GOLIM4: variants seen among roughly 807,000 people sequenced by gnomAD.
GOLIM4 encodes golgi integral membrane protein 4.
A neutral mutation model predicts 107.4 loss-of-function variants in GOLIM4; 71 were observed. The ratio of observed to expected loss-of-function variants is 0.66; its 90% confidence interval spans 0.55 to 0.81. The LOEUF (loss-of-function observed/expected upper bound fraction) is 0.81. GOLIM4 is among the 30% of genes least tolerant of loss of function. GOLIM4 has a pLI of 0.00. For synonymous variants in GOLIM4, 327 were observed against 294.8 expected (o/e 1.11, Z -1.12); for missense variants, 830 against 826.1 (o/e 1.00, Z -0.06).
chr3:168,030,088 T>C (rs775040237), intron 9 of GOLIM4, 52 bp from the exon 10 acceptor site: 7 of 1,558,414 alleles, frequency 4.5e-6, no homozygotes, highest in Non-Finnish European at 6.1e-6. Flanking sequence ...TCCTCTGGGT[T>C]TTCTCTTCAT....
chr3:168,046,769 T>G (rs945649180), intron 3 of GOLIM4, among the ~76,000 whole-genome samples, 181 bp downstream of exon 3: 2 of 149,952 alleles, frequency 1.3e-5, no homozygotes, highest in Admixed American at 1.3e-4. Flanking sequence ...TAAGTAAAGG[T>G]AAGTTTAAAG....
At chr3:168,091,157 C>T (rs577271818) in intron 1 of GOLIM4, among the ~76,000 whole-genome samples, 29 of 152,286 alleles carry the variant, frequency 1.9e-4, no homozygotes, top group African/African-American at 6.0e-4. Context: ...CACTTCTACA[C>T]GTCACATTTG....
chr3:168,028,500 T>G (rs1718133755), intron 11 of GOLIM4, among the ~76,000 whole-genome samples: 1 of 152,156 alleles, frequency 6.6e-6, no homozygotes, highest in South Asian at 2.1e-4. Flanking sequence ...GTACTAAGCC[T>G]AGAGAAAATG....
intron 12 of GOLIM4, 95 bp from the exon 13 acceptor site, chr3:168,025,190 T>G: frequency 1.1e-6 from 1 of 939,208 alleles, no homozygotes; most frequent in Non-Finnish European, 1.6e-6. Flanking sequence ...AAAATGAAAT[T>G]GTCCTTCCCT....
chr3:168,078,217 G>T (rs2108285644), intron 1 of GOLIM4, among the ~76,000 whole-genome samples: 1 of 151,948 alleles, frequency 6.6e-6, no homozygotes, highest in African/African-American at 2.4e-5. Flanking sequence ...TTAGAACATT[G>T]TTATTTTAAT....
chr3:168,046,955 CT>C lies in GOLIM4; in HGVS notation c.306del (p.Gly103GlufsTer12). On this transcript the variant is annotated frameshift_variant, in exon 3 of 16. Coordinates refer to ENST00000470487, the MANE Select transcript of GOLIM4 (RefSeq NM_014498.5). LOFTEE classifies it high-confidence loss of function. ...YKLEAQETLN[K>X]GRQDSNSRYS... ...ACAAAAAAAACAAAACTTACCCTTC[CT>C]TTATTTAATGTTTCTTGTGCTTCTA... 7.4e-7 allele frequency: 1 copy of C among 1,348,726 alleles called. No individual in the cohort carries two copies. The highest frequency in any genetic ancestry group is 1.0e-6 in the Non-Finnish European group (1 of 983,818). 83.5% of individuals were successfully genotyped at this position (1,348,726 alleles called of 1,614,324 possible). A position where few individuals can be genotyped will look rare whatever the true frequency, so the allele number is the denominator to read the frequency against.
intron 1 of GOLIM4, among the ~76,000 whole-genome samples, chr3:168,075,437 C>T (rs532908550): frequency 2.3e-4 from 34 of 149,734 alleles, no homozygotes; most frequent in Non-Finnish European, 4.0e-4. Flanking sequence ...GCTGGGACTA[C>T]AGGCACCCGC....
At chr3:168,054,602 C>T (rs936040773) in intron 1 of GOLIM4, among the ~76,000 whole-genome samples, 1 of 151,826 alleles carries the variant, frequency 6.6e-6, no homozygotes, top group African/African-American at 2.4e-5. Flanking sequence ...TTTGTTTTTA[C>T]TTATTAATTA....
intron 1 of GOLIM4, among the ~76,000 whole-genome samples, chr3:168,085,475 A>C (rs996281207): frequency 6.6e-6 from 1 of 152,200 alleles, no homozygotes; most frequent in Non-Finnish European, 1.5e-5. Context: ...TAATGGAGAA[A>C]ATTCAAAGAA....
At chr3:168,044,018 A>C (rs1278304803) in intron 4 of GOLIM4, among the ~76,000 whole-genome samples, 2 of 152,240 alleles carry the variant, frequency 1.3e-5, no homozygotes, top group African/African-American at 2.4e-5. Context: ...AACTGTTTAG[A>C]GAATTGACTT....
chr3:168,043,626 G>T, intron 4 of GOLIM4, 97 bp from the exon 5 acceptor site: 1 of 950,310 alleles, frequency 1.1e-6, no homozygotes, highest in Non-Finnish European at 1.5e-6. Flanking sequence ...ATGAAAGCAA[G>T]CAAGCACAAA....
At chr3:168,029,738 G>C (rs920799253) in intron 10 of GOLIM4, 42 bp downstream of exon 10, 3 of 1,600,978 alleles carry the variant, frequency 1.9e-6, no homozygotes, top group African/African-American at 1.3e-5. Flanking sequence ...ATGAAAACTG[G>C]AGCAGGGGCT....
chr3:168,031,552 C>T (rs970745804), intron 9 of GOLIM4, among the ~76,000 whole-genome samples: 1 of 152,170 alleles, frequency 6.6e-6, no homozygotes. Flanking sequence ...CAAAAGCACA[C>T]ACAATTCTCA....
intron 1 of GOLIM4, among the ~76,000 whole-genome samples, chr3:168,054,894 G>A (rs1719859351): frequency 1.3e-5 from 2 of 152,030 alleles, no homozygotes; most frequent in Non-Finnish European, 1.5e-5. Context: ...TCATGAGAGT[G>A]AATAAGTCTC....
At chr3:168,050,429 T>C (rs73174987) in intron 1 of GOLIM4, among the ~76,000 whole-genome samples, 6,291 of 152,170 alleles carry the variant, frequency 0.041, 170 homozygotes, top group Non-Finnish European at 0.067. Flanking sequence ...CTATAGAACA[T>C]CACGAAGCCA....
intron 1 of GOLIM4, among the ~76,000 whole-genome samples, chr3:168,093,002 C>G (rs1023192932): frequency 1.3e-5 from 2 of 152,110 alleles, no homozygotes; most frequent in Non-Finnish European, 2.9e-5. Flanking sequence ...TTAGGTAGAA[C>G]ATTTCCATCT....
intron 1 of GOLIM4, among the ~76,000 whole-genome samples, chr3:168,067,724 C>T (rs1020739633): frequency 1.3e-5 from 2 of 151,808 alleles, no homozygotes; most frequent in East Asian, 1.9e-4. Flanking sequence ...AATGAATGAA[C>T]GTAGTTGCCA....
At chr3:168,053,128 A>G (rs1719747973) in intron 1 of GOLIM4, among the ~76,000 whole-genome samples, 1 of 152,198 alleles carries the variant, frequency 6.6e-6, no homozygotes, top group Admixed American at 6.5e-5. Flanking sequence ...CCAGCTTCCT[A>G]CAGCAATTTT....
Position 168,043,424 on chromosome 3 carries a change from A to G in GOLIM4, c.472T>C (p.Leu158=). ...TGTTCTTTTTCTTGCTGGAGCTGCA[A>G]GTATTTTTGCTTATGGTCATTAAAT... is the stretch of plus-strand genomic sequence containing the variant. ...RTFNDHKQKY[L]QLQQEKEQEL... is the part of the protein sequence containing the mutation. Residue 158 remains leucine, a synonymous_variant, in exon 5 of 16, where the codon TTG becomes CTG. Coordinates refer to ENST00000470487, the MANE Select transcript of GOLIM4 (RefSeq NM_014498.5). 6.2e-7 allele frequency: 1 copy of G among 1,610,870 alleles called. No homozygotes were observed. The highest frequency in any genetic ancestry group is 1.1e-5 in the South Asian group (1 of 89,996).
Sources: gnomAD v4.1 joint callset for allele counts (sites outside exome capture counted in the v4.1 genomes callset) on GRCh38, gnomAD v4.1.1 for gene constraint, MANE v1.5 for transcripts, NCBI Gene and HGNC (gene_info 2026-07-23, HGNC 2026-07-21) for gene names.